AGBL1: variants seen among roughly 807,000 people sequenced by gnomAD.
AGBL1 encodes AGBL carboxypeptidase 1, also known as cytosolic carboxypeptidase 4.
Under a neutral mutation model 118.9 loss-of-function variants are expected in AGBL1, and 130 were observed. The observed-to-expected ratio is 1.09, with a 90% CI of 0.95 to 1.26. The LOEUF (loss-of-function observed/expected upper bound fraction) is 1.26, where lower values mean the gene tolerates loss of function less well. Among genes scored for constraint, AGBL1 ranks in the 50% most tolerant of loss-of-function variants. The pLI is 0.00. For synonymous variants in AGBL1, 555 were observed against 478.9 expected (o/e 1.16, Z -2.08); for missense variants, 1,584 against 1,298.1 (o/e 1.22, Z -3.38).
chr15:86,863,191 G>T (rs1272416984), intron 22 of AGBL1, among the ~76,000 whole-genome samples: 1 of 152,158 alleles, frequency 6.6e-6, no homozygotes, highest in African/African-American at 2.4e-5. Context: ...ATAAATACTG[G>T]AGCTGGAAAG....
chr15:86,415,463 A>T (rs1012109180), intron 18 of AGBL1, among the ~76,000 whole-genome samples: 1 of 152,190 alleles, frequency 6.6e-6, no homozygotes, highest in African/African-American at 2.4e-5. Flanking sequence ...GTGAGTTACT[A>T]TATAATATGC....
intron 6 of AGBL1, among the ~76,000 whole-genome samples, chr15:86,237,819 T>C (rs185733648): frequency 3.4e-4 from 52 of 152,290 alleles, no homozygotes; most frequent in Non-Finnish European, 5.7e-4. Flanking sequence ...GCACAACCTG[T>C]TGGGATGAGT....
chr15:86,411,843 G>T (rs2081625343), intron 18 of AGBL1, among the ~76,000 whole-genome samples: 2 of 152,152 alleles, frequency 1.3e-5, no homozygotes, highest in Non-Finnish European at 2.9e-5. Context: ...TAAAGAAGGG[G>T]ACATAGCAGG....
intron 21 of AGBL1, among the ~76,000 whole-genome samples, chr15:86,567,575 C>T (rs1253736459): frequency 6.6e-6 from 1 of 152,176 alleles, no homozygotes; most frequent in African/African-American, 2.4e-5. Flanking sequence ...ATTATGAGCA[C>T]AACTCAAAAA....
At chr15:86,570,674 T>G (rs188332870) in intron 21 of AGBL1, among the ~76,000 whole-genome samples, 1 of 152,310 alleles carries the variant, frequency 6.6e-6, no homozygotes, top group East Asian at 1.9e-4. Context: ...GCGAGCTTGG[T>G]CCACAAACTA....
chr15:86,552,298 C>T (rs1294864892), intron 20 of AGBL1, among the ~76,000 whole-genome samples: 1 of 151,954 alleles, frequency 6.6e-6, no homozygotes, highest in African/African-American at 2.4e-5. Context: ...CCTAAAACTG[C>T]TTTAAATAAA....
intron 5 of AGBL1, among the ~76,000 whole-genome samples, chr15:86,210,457 A>G (rs561591185): frequency 6.6e-6 from 1 of 152,312 alleles, no homozygotes; most frequent in East Asian, 1.9e-4. Context: ...TACACCAATC[A>G]AATGTATATT....
chr15:86,569,403 G>T (rs992051523), intron 21 of AGBL1, among the ~76,000 whole-genome samples: 1 of 99,574 alleles, frequency 1.0e-5, no homozygotes, highest in Non-Finnish European at 2.2e-5. Context: ...CAAAGAAAAA[G>T]AAAACAAGGA....
chr15:86,873,673 T>C (rs748049314), intron 22 of AGBL1, among the ~76,000 whole-genome samples: 1 of 152,200 alleles, frequency 6.6e-6, no homozygotes, highest in Non-Finnish European at 1.5e-5. Context: ...AATCAGGATA[T>C]GAGCCCTCAC....
intron 18 of AGBL1, among the ~76,000 whole-genome samples, chr15:86,448,219 G>C (rs16977260): frequency 0.042 from 6,397 of 152,258 alleles, 196 homozygotes; most frequent in South Asian, 0.097. Context: ...GGAGTAAGAA[G>C]CAAAGCTCAT....
intron 21 of AGBL1, among the ~76,000 whole-genome samples, chr15:86,607,149 C>A (rs891798870): frequency 3.3e-5 from 5 of 152,086 alleles, no homozygotes; most frequent in Non-Finnish European, 7.4e-5. Context: ...TGATAGCTGA[C>A]TTGTTTTTCA....
intron 5 of AGBL1, among the ~76,000 whole-genome samples, chr15:86,185,303 T>C (rs2077613171): frequency 6.6e-6 from 1 of 152,216 alleles, no homozygotes; most frequent in African/African-American, 2.4e-5. Context: ...CTTACACTGT[T>C]GGTGGCACTG....
At chr15:86,473,648 A>G (rs1216327790) in intron 18 of AGBL1, among the ~76,000 whole-genome samples, 2 of 152,256 alleles carry the variant, frequency 1.3e-5, no homozygotes, top group Admixed American at 6.5e-5. Flanking sequence ...TTCAATGACT[A>G]CATAGAAGGC....
At chr15:86,237,193 TA>T (rs1319199685) in intron 6 of AGBL1, among the ~76,000 whole-genome samples, 1 of 152,156 alleles carries the variant, frequency 6.6e-6, no homozygotes, top group African/African-American at 2.4e-5. Flanking sequence ...AATTTCTTAA[TA>T]ACTCCTATAA....
At chr15:86,358,032 G>A (rs2080749159) in intron 17 of AGBL1, among the ~76,000 whole-genome samples, 7 of 152,130 alleles carry the variant, frequency 4.6e-5, no homozygotes, top group Middle Eastern at 3.4e-3. Flanking sequence ...TTTTTGTGGT[G>A]AGAACAATTA....
chr15:86,214,903 T>C (rs555828532), intron 5 of AGBL1, among the ~76,000 whole-genome samples: 2 of 152,176 alleles, frequency 1.3e-5, no homozygotes, highest in Non-Finnish European at 2.9e-5. Flanking sequence ...GATCTGGGTT[T>C]CATTTTCTCT....
intron 15 of AGBL1, among the ~76,000 whole-genome samples, chr15:86,278,386 G>A (rs575351931): frequency 1.3e-5 from 2 of 152,276 alleles, no homozygotes; most frequent in Non-Finnish European, 2.9e-5. Context: ...GGAAGATAAA[G>A]GTATCAGGCC....
At chr15:86,824,690 A>G (rs1023805604) in intron 22 of AGBL1, among the ~76,000 whole-genome samples, 1 of 152,156 alleles carries the variant, frequency 6.6e-6, no homozygotes, top group African/African-American at 2.4e-5. Context: ...AGCTTAATTT[A>G]TAGCTATAGT....
chr15:86,294,854 CA>C (rs1235937283), intron 16 of AGBL1, among the ~76,000 whole-genome samples: 3 of 152,150 alleles, frequency 2.0e-5, no homozygotes, highest in African/African-American at 7.2e-5. Flanking sequence ...ATCCATCACC[CA>C]AATGACGTAC....
Sources: gnomAD v4.1 joint callset for allele counts (sites outside exome capture counted in the v4.1 genomes callset) on GRCh38, gnomAD v4.1.1 for gene constraint, MANE v1.5 for transcripts, NCBI Gene and HGNC (gene_info 2026-07-23, HGNC 2026-07-21) for gene names.